Variants in HDAC9 observed in about 807,000 individuals in gnomAD.
HDAC9 encodes MEF-2 interacting transcription repressor (MITR) protein.
In HDAC9, 41 loss-of-function variants were observed where a neutral mutation model predicts 139.4. That is an observed-to-expected ratio of 0.29 (90% CI 0.23 to 0.38). The LOEUF (loss-of-function observed/expected upper bound fraction) is 0.38. Among genes scored for constraint, HDAC9 ranks in the 10% least tolerant of loss-of-function variants. The probability of loss-of-function intolerance (pLI) is 1.00; values close to 1 mark genes in which losing one functional copy is unlikely to be tolerated. For missense variants in HDAC9, 1,147 were observed against 1,297.0 expected (o/e 0.88, Z 1.78); for synonymous variants, 517 against 476.2 (o/e 1.09, Z -1.12).
rs766729111 is a variant in HDAC9, at chr7:18,818,359, A to G, written c.2323-10802A>G. Among the ~76,000 whole-genome samples, 46 of 152,220 alleles carry G rather than the reference A, an allele frequency of 3.0e-4. 1 individual carries two copies. The highest frequency in any genetic ancestry group is 6.2e-4 in the South Asian group (3 of 4,830). ...TGGATAGTAGGCAGTTATATTATAC[A>G]TAAAACATTTTTCTCTGTATGATTT... On this transcript the variant is annotated intron_variant, in intron 17 of 25. Coordinates refer to ENST00000686413, the MANE Select transcript of HDAC9 (RefSeq NM_178425.4).
chr7:18,272,158 A>G (rs540151740), intron 2 of HDAC9, among the ~76,000 whole-genome samples: 1 of 152,286 alleles, frequency 6.6e-6, no homozygotes, highest in South Asian at 2.1e-4. Flanking sequence ...TTACAGGATG[A>G]GTGCTAACTC....
intron 17 of HDAC9, among the ~76,000 whole-genome samples, chr7:18,801,877 C>CTCTT (rs1412377018): frequency 1.3e-5 from 2 of 151,900 alleles, no homozygotes; most frequent in African/African-American, 2.4e-5. Context: ...TCATAATATC[C>CTCTT]TCTTTTAACA....
chr7:18,632,692 CTCTG>C (rs1317181833), intron 7 of HDAC9, among the ~76,000 whole-genome samples: 11 of 152,180 alleles, frequency 7.2e-5, no homozygotes, highest in African/African-American at 2.4e-4. Context: ...TGTGAGTTAT[CTCTG>C]TCTGATCCTT....
intron 1 of HDAC9, among the ~76,000 whole-genome samples, chr7:18,379,451 C>T (rs1785249565): frequency 6.6e-6 from 1 of 152,126 alleles, no homozygotes; most frequent in African/African-American, 2.4e-5. Flanking sequence ...CTAGTTTTTT[C>T]TTGAATCCTT....
At chr7:18,804,045 G>A (rs1002407791) in intron 17 of HDAC9, among the ~76,000 whole-genome samples, 1 of 152,216 alleles carries the variant, frequency 6.6e-6, no homozygotes, top group Non-Finnish European at 1.5e-5. Flanking sequence ...TATGATACAA[G>A]TTCATGTGAA....
At chr7:18,276,708 G>A (rs1330016631) in intron 2 of HDAC9, among the ~76,000 whole-genome samples, 2 of 152,148 alleles carry the variant, frequency 1.3e-5, no homozygotes, top group Non-Finnish European at 2.9e-5. Context: ...ATTTTATAAT[G>A]AAATAATGAA....
rs1312060502 is a variant in HDAC9, at chr7:18,991,546, A to T, written c.3171-4477A>T. ...CAGCTGCTCAGGAGGCTGAAGCAGG[A>T]GAATGGTGTTAACTCAGGAGGCGGA... On this transcript the variant is annotated intron_variant, in intron 25 of 25. Coordinates refer to ENST00000686413, the MANE Select transcript of HDAC9 (RefSeq NM_178425.4). Among the ~76,000 whole-genome samples the T allele has an allele frequency of 2.0e-5, 3 of 152,174 alleles. No homozygotes were observed. The South Asian group carries it at 6.2e-4, about 32-fold the overall frequency.
intron 22 of HDAC9, 118 bp from the exon 23 acceptor site, chr7:18,935,691 G>C (rs1385055188): frequency 2.3e-6 from 2 of 875,694 alleles, no homozygotes; most frequent in Non-Finnish European, 3.7e-6. Context: ...TATTGGATGA[G>C]TTAGCACACA....
At chr7:18,658,756 A>G (rs1792096962) in intron 11 of HDAC9, among the ~76,000 whole-genome samples, 1 of 152,082 alleles carries the variant, frequency 6.6e-6, no homozygotes, top group Non-Finnish European at 1.5e-5. Context: ...TTGTTTTTTG[A>G]GAACAGTTGG....
intron 1 of HDAC9, among the ~76,000 whole-genome samples, chr7:18,319,057 C>T (rs1443332848): frequency 1.3e-5 from 2 of 152,124 alleles, no homozygotes; most frequent in Non-Finnish European, 2.9e-5. Context: ...TACAAACAAA[C>T]GTTAAATGTT....
intron 21 of HDAC9, among the ~76,000 whole-genome samples, chr7:18,866,450 C>T (rs560002679): frequency 1.3e-5 from 2 of 152,136 alleles, no homozygotes; most frequent in Non-Finnish European, 2.9e-5. Flanking sequence ...GGTGGACTTT[C>T]ACATTGTTTC....
In HDAC9 at chr7:18,357,755, C is replaced by G. The variant is rs183019574; in HGVS notation, c.-42+67240C>G. Among the ~76,000 whole-genome samples the G allele has an allele frequency of 3.9e-5, 6 of 152,106 alleles. No individual in the cohort carries two copies. The East Asian group carries it at 1.2e-3, about 29-fold the overall frequency. On this transcript the variant is annotated intron_variant, in intron 1 of 3. Transcript: ENST00000413509. ...CAGAGGAACAGAGTATGAGAAGGCC[C>G]TGAGTCAGGAAGGAGCATGGCTTGT... is the stretch of plus-strand genomic sequence containing the variant.
chr7:18,871,113 A>G (rs1024087107), intron 21 of HDAC9, among the ~76,000 whole-genome samples: 14 of 152,122 alleles, frequency 9.2e-5, no homozygotes, highest in Admixed American at 5.9e-4. Flanking sequence ...TTTCTATTCA[A>G]TTATTATGTA....
intron 2 of HDAC9, among the ~76,000 whole-genome samples, chr7:18,221,348 G>A (rs962596079): frequency 1.3e-5 from 2 of 151,944 alleles, no homozygotes; most frequent in Admixed American, 6.6e-5. Flanking sequence ...CAGGTGATCC[G>A]CCCACCTCAG....
intron 2 of HDAC9, among the ~76,000 whole-genome samples, chr7:18,165,981 A>G (rs967615673): frequency 1.3e-5 from 2 of 152,122 alleles, no homozygotes; most frequent in African/African-American, 4.8e-5. Context: ...GTTTAAGCAT[A>G]TTTTAACCCA....
chr7:18,295,709 G>C (rs530582009), intron 1 of HDAC9, among the ~76,000 whole-genome samples: 1 of 152,238 alleles, frequency 6.6e-6, no homozygotes, highest in South Asian at 2.1e-4. Context: ...ATTGCTGAGG[G>C]AACCATTTGC....
intron 23 of HDAC9, chr7:18,948,910 G>T: frequency 3.3e-6 from 1 of 307,650 alleles, no homozygotes; most frequent in Non-Finnish European, 6.2e-6. Context: ...GAGACTTCTT[G>T]CTCCACTGCC....
intron 1 of HDAC9, among the ~76,000 whole-genome samples, chr7:18,356,367 T>TTG (rs1371730028): frequency 1.4e-5 from 2 of 142,006 alleles, no homozygotes; most frequent in African/African-American, 2.6e-5. Flanking sequence ...GGTTTTTTTT[T>TTG]TTTTTTTTTT....
intron 1 of HDAC9, among the ~76,000 whole-genome samples, chr7:18,346,684 C>G (rs1782440137): frequency 6.6e-6 from 1 of 152,034 alleles, no homozygotes; most frequent in African/African-American, 2.4e-5. Context: ...GATGTTTTTG[C>G]TTTTTGATAA....
Sources: gnomAD v4.1 joint callset for allele counts (sites outside exome capture counted in the v4.1 genomes callset) on GRCh38, gnomAD v4.1.1 for gene constraint, MANE v1.5 for transcripts, NCBI Gene and HGNC (gene_info 2026-07-23, HGNC 2026-07-21) for gene names.